PPARGC1A: variants seen among roughly 807,000 people sequenced by gnomAD.
The protein encoded by PPARGC1A is peroxisome proliferator-activated receptor gamma coactivator 1-alpha.
A neutral mutation model predicts 88.7 loss-of-function variants in PPARGC1A; 25 were observed. That is an observed-to-expected ratio of 0.28 (90% confidence interval 0.21 to 0.39). The LOEUF (loss-of-function observed/expected upper bound fraction) is 0.39, where lower values mean the gene tolerates loss of function less well. Among genes scored for constraint, PPARGC1A ranks in the 10% least tolerant of loss-of-function variants. The probability of loss-of-function intolerance (pLI) is 1.00; values close to 1 mark genes in which losing one functional copy is unlikely to be tolerated. For missense variants in PPARGC1A, 880 were observed against 968.7 expected (o/e 0.91, Z 1.22); for synonymous variants, 363 against 355.6 (o/e 1.02, Z -0.24).
At chr4:23,855,909 A>G (rs1191951944) in intron 2 of PPARGC1A, among the ~76,000 whole-genome samples, 1 of 152,186 alleles carries the variant, frequency 6.6e-6, no homozygotes, top group African/African-American at 2.4e-5. Flanking sequence ...TCAGAATGAA[A>G]CAATAAAATT....
At chr4:24,155,671 T>C in the PPARGC1A span, among the ~76,000 whole-genome samples, 1 of 151,888 alleles carries the variant, frequency 6.6e-6, no homozygotes, top group East Asian at 1.9e-4. Flanking sequence ...GCTTGTGGTT[T>C]AGCTGCAAAC....
the PPARGC1A span, among the ~76,000 whole-genome samples, chr4:24,063,329 G>A: frequency 1.3e-5 from 2 of 152,108 alleles, no homozygotes; most frequent in Non-Finnish European, 2.9e-5. Context: ...AGATGAGACC[G>A]CTTTTCTTGC....
rs775117777 is a variant in PPARGC1A, at chr4:23,813,855, AAAG to A, written c.1625_1627del (p.Ser542del). On this transcript the variant is annotated inframe_deletion, in exon 8 of 13. Transcript: ENST00000264867. ...CACAGAATCTCTACATGGAGAGTTA[AAAG>A]AAGAACAAGAAGGAGACACATTGAA... 1.7e-5 allele frequency: 27 copies of A among 1,613,980 alleles called. No individual in the cohort carries two copies. Among genetic ancestry groups the A allele is most frequent in the South Asian group, 3.3e-5 (3 of 91,082 alleles).
the PPARGC1A span, among the ~76,000 whole-genome samples, chr4:24,376,443 A>C: frequency 6.6e-6 from 1 of 152,228 alleles, no homozygotes; most frequent in African/African-American, 2.4e-5. Context: ...AGTCAAAAGA[A>C]TATGCCCAAC....
At chr4:24,203,938 G>T in the PPARGC1A span, among the ~76,000 whole-genome samples, 1 of 152,224 alleles carries the variant, frequency 6.6e-6, no homozygotes, top group South Asian at 2.1e-4. Flanking sequence ...CTAGCGTAGA[G>T]CATAACCTCC....
At chr4:24,181,670 C>T in the PPARGC1A span, among the ~76,000 whole-genome samples, 1 of 152,096 alleles carries the variant, frequency 6.6e-6, no homozygotes. Context: ...AGACCTCATA[C>T]AGTAGATGTC....
chr4:23,961,055 G>T, the PPARGC1A span, among the ~76,000 whole-genome samples: 25 of 152,244 alleles, frequency 1.6e-4, no homozygotes, highest in East Asian at 4.3e-3. Context: ...GTATGTGTGC[G>T]TGTGTAATTT....
chr4:24,342,433 C>T, the PPARGC1A span, among the ~76,000 whole-genome samples: 9 of 152,122 alleles, frequency 5.9e-5, no homozygotes, highest in Admixed American at 5.9e-4. Flanking sequence ...CTGACAATTA[C>T]CAAATCTATT....
chr4:24,304,490 T>C, the PPARGC1A span, among the ~76,000 whole-genome samples: 41 of 152,142 alleles, frequency 2.7e-4, no homozygotes, highest in African/African-American at 9.2e-4. Context: ...CCAAGAGGGG[T>C]TGGAGACACA....
At chr4:23,941,803 C>T in the PPARGC1A span, among the ~76,000 whole-genome samples, 4 of 152,184 alleles carry the variant, frequency 2.6e-5, no homozygotes, top group African/African-American at 9.6e-5. Context: ...ACTAAAGGAA[C>T]TCACTGCATG....
chr4:24,075,537 TC>T, the PPARGC1A span, among the ~76,000 whole-genome samples: 1 of 152,162 alleles, frequency 6.6e-6, no homozygotes, highest in African/African-American at 2.4e-5. Flanking sequence ...TTTGGCTGTG[TC>T]CCCACCCAAA....
chr4:24,188,008 G>A, the PPARGC1A span, among the ~76,000 whole-genome samples: 1 of 152,192 alleles, frequency 6.6e-6, no homozygotes, highest in Admixed American at 6.5e-5. Context: ...TCCAGGTTGA[G>A]GGAACAGCAT....
intron 10 of PPARGC1A, among the ~76,000 whole-genome samples, chr4:23,811,583 A>G (rs917366205): frequency 3.3e-5 from 5 of 152,182 alleles, no homozygotes; most frequent in Non-Finnish European, 7.4e-5. Flanking sequence ...CTGGATTTTG[A>G]CAACTGGACT....
chr4:23,810,462 C>A (rs899945192), intron 10 of PPARGC1A, among the ~76,000 whole-genome samples: 1 of 152,218 alleles, frequency 6.6e-6, no homozygotes, highest in East Asian at 1.9e-4. Context: ...AGGCTGGTGA[C>A]CCTCAGGGTG....
the PPARGC1A span, among the ~76,000 whole-genome samples, chr4:24,057,456 T>TAAA: frequency 3.6e-5 from 5 of 139,478 alleles, no homozygotes; most frequent in Admixed American, 1.4e-4. Flanking sequence ...TAAGATGGTT[T>TAAA]AAAAAAAAAA....
At chr4:24,355,520 C>G in the PPARGC1A span, among the ~76,000 whole-genome samples, 1 of 152,076 alleles carries the variant, frequency 6.6e-6, no homozygotes, top group Non-Finnish European at 1.5e-5. Context: ...TCTACAAAAT[C>G]CCAGGTGTGG....
chr4:24,418,961 T>C, the PPARGC1A span, among the ~76,000 whole-genome samples: 5 of 152,198 alleles, frequency 3.3e-5, no homozygotes, highest in Non-Finnish European at 5.9e-5. Context: ...GTTTTCACTC[T>C]TTGACACTCT....
At chr4:24,377,934 A>G in the PPARGC1A span, among the ~76,000 whole-genome samples, 3 of 152,220 alleles carry the variant, frequency 2.0e-5, no homozygotes, top group African/African-American at 7.2e-5. Context: ...TTACTCACAC[A>G]GAATGTACAA....
the PPARGC1A span, among the ~76,000 whole-genome samples, chr4:23,930,464 A>G: frequency 2.0e-5 from 3 of 152,232 alleles, no homozygotes; most frequent in African/African-American, 7.2e-5. Context: ...CGGTTCTCTA[A>G]TATCTTAAAG....
Sources: allele counts gnomAD v4.1 joint callset (sites outside exome capture counted in the v4.1 genomes callset), GRCh38; gene constraint gnomAD v4.1.1; transcripts MANE v1.5; gene names NCBI Gene and HGNC (gene_info 2026-07-23, HGNC 2026-07-21).